Variants in PTTG1IP observed in about 807,000 individuals in gnomAD.
PTTG1IP encodes pituitary tumor-transforming gene 1 protein-interacting protein.
A neutral mutation model predicts 24.4 loss-of-function variants in PTTG1IP; 16 were observed. That is an observed-to-expected ratio of 0.66 (90% CI 0.44 to 1.00). The LOEUF (loss-of-function observed/expected upper bound fraction) is 1.00. Ranked by LOEUF, PTTG1IP falls within the 50% of genes least tolerant of loss-of-function variation. The pLI is 0.00. For synonymous variants in PTTG1IP, 89 were observed against 96.8 expected (o/e 0.92, Z 0.47); for missense variants, 241 against 245.8 (o/e 0.98, Z 0.13).
Position 44,855,231 on chromosome 21 carries a change from C to A in PTTG1IP, c.475G>T (p.Asp159Tyr), listed in dbSNP as rs1704934548. The A allele has an allele frequency of 1.2e-6, 2 of 1,612,664 alleles. No individual in the cohort carries two copies. Among genetic ancestry groups the A allele is most frequent in the Non-Finnish European group, 1.7e-6 (2 of 1,178,702 alleles). Reference protein sequence around the residue: ...ERRAEMKTRHDEIRKKYGLFK... With the variant: ...ERRAEMKTRHYEIRKKYGLFK... The stretch of plus-strand genomic sequence containing the variant: ...TTACCATATTTTTTTCTGATTTCAT[C>A]ATGTCTTGTCTTCATCTCTGCTCTC... Residue 159 changes from aspartate to tyrosine, a missense_variant, in exon 5 of 6, where the codon GAT becomes TAT. By Grantham distance (160) the Asp-to-Tyr change is radical. Transcript: ENST00000330938.
At chr21:44,866,879 G>A (rs1256663201) in intron 1 of PTTG1IP, among the ~76,000 whole-genome samples, 1 of 152,238 alleles carries the variant, frequency 6.6e-6, no homozygotes, top group African/African-American at 2.4e-5. Flanking sequence ...ACACAGTGTT[G>A]GTGGAAGTGT....
At position 44,865,441 on chromosome 21, in the gene PTTG1IP, G is replaced by C; in HGVS notation, c.122C>G (p.Ser41Cys). Residue 41 changes from serine to cysteine, a missense_variant, in exon 2 of 6, where the codon TCT becomes TGT. By Grantham distance (112) the Ser-to-Cys change is moderately radical. Transcript: ENST00000330938. ...AAQEPPGAAC[S>C]QNTNKTCEEC... ...TTCACAGGTTTTGTTTGTGTTCTGA[G>C]AACAAGCTGCAGGAAAGAGGCAAGA... is the stretch of plus-strand genomic sequence containing the variant. 1.2e-6 allele frequency: 2 copies of C among 1,614,156 alleles called. No individual in the cohort carries two copies. Among genetic ancestry groups the C allele is most frequent in the Non-Finnish European group, 1.7e-6 (2 of 1,180,006 alleles).
chr21:44,850,437 G>C lies in PTTG1IP; in HGVS notation c.*1144C>G, dbSNP rs1291105247. The C allele has an allele frequency of 6.6e-6, 1 of 152,278 alleles. No individual in the cohort carries two copies. The highest frequency in any genetic ancestry group is 2.4e-5 in the African/African-American group (1 of 41,452). 9.4% of individuals were successfully genotyped at this position (152,278 alleles called of 1,614,324 possible). A position where few individuals can be genotyped will look rare whatever the true frequency, so the allele number is the denominator to read the frequency against. ...CAGCAGTGCCACTGGAGAGCTCCCA[G>C]AGAAGCCCACTCAGAAGGAAGTGGT... On this transcript the variant is annotated 3_prime_UTR_variant, in exon 6 of 6. Transcript: ENST00000330938.
At chr21:44,857,584 A>G (rs1294548468) in intron 3 of PTTG1IP, among the ~76,000 whole-genome samples, 2 of 152,212 alleles carry the variant, frequency 1.3e-5, no homozygotes, top group Non-Finnish European at 2.9e-5. Flanking sequence ...GTTTTTAACT[A>G]CAGTTAATAG....
intron 1 of PTTG1IP, among the ~76,000 whole-genome samples, chr21:44,866,482 ACACACACACG>A (rs1401979942): frequency 4.9e-5 from 6 of 122,774 alleles, no homozygotes; most frequent in African/African-American, 1.3e-4. Context: ...ACACACACAC[ACACACACACG>A]CAGACTGCCT....
intron 4 of PTTG1IP, 105 bp from the exon 5 acceptor site, chr21:44,855,361 G>A: frequency 8.0e-7 from 1 of 1,248,144 alleles, no homozygotes; most frequent in Non-Finnish European, 1.2e-6. Context: ...GGTTTCTTCT[G>A]GTGGCTTCCC....
At position 44,851,461 on chromosome 21, in the gene PTTG1IP, A is replaced by T; in HGVS notation, c.*120T>A. On this transcript the variant is annotated 3_prime_UTR_variant, in exon 6 of 6. Coordinates refer to ENST00000330938, the MANE Select transcript of PTTG1IP (RefSeq NM_004339.4). ...CAGCTCTCCGGCCGCCTGTCCTGGA[A>T]GGCTGGCAGGTTCACTGGCCAAGGT... The T allele has an allele frequency of 6.2e-7, 1 of 1,610,620 alleles. No individual in the cohort carries two copies. Among genetic ancestry groups the T allele is most frequent in the Non-Finnish European group, 8.5e-7 (1 of 1,179,742 alleles).
At chr21:44,864,232 T>C (rs1569325399) in intron 2 of PTTG1IP, among the ~76,000 whole-genome samples, 1 of 152,200 alleles carries the variant, frequency 6.6e-6, no homozygotes, top group Non-Finnish European at 1.5e-5. Flanking sequence ...CCGTGGGCCT[T>C]CCCTCAGGTT....
At position 44,861,172 on chromosome 21, in the gene PTTG1IP, C is replaced by G. The variant is rs1357807963; in HGVS notation, c.268G>C (p.Val90Leu). Residue 90 changes from valine (V) to leucine (L), a missense_variant, in exon 3 of 6, where the codon GTT becomes CTT. Physicochemically the swap from Val to Leu is conservative, Grantham distance 32 (BLOSUM62 1). Transcript: ENST00000330938. ...GAAAACAATGACTTACCCCAACAAA[C>G]TCCCCAGCGTGCAGAGCTCAATTTA... ...LCKLSSARWG[V>L]CWVNFEALII... The G allele has an allele frequency of 2.5e-6, 4 of 1,612,100 alleles. No individual in the cohort carries two copies.
chr21:44,869,575 A>G (rs2083568127), intron 1 of PTTG1IP, among the ~76,000 whole-genome samples: 1 of 152,260 alleles, frequency 6.6e-6, no homozygotes, highest in Admixed American at 6.5e-5. Flanking sequence ...CTGGGATTAC[A>G]GGTGTGAGCA....
intron 2 of PTTG1IP, chr21:44,861,781 T>C (rs933422060): frequency 7.0e-6 from 5 of 717,450 alleles, no homozygotes; most frequent in African/African-American, 5.2e-5. Context: ...CGGGCACCTG[T>C]GCACTTCACT....
At chr21:44,873,195 G>A (rs1173876938) in intron 1 of PTTG1IP, among the ~76,000 whole-genome samples, 1 of 152,260 alleles carries the variant, frequency 6.6e-6, no homozygotes, top group Non-Finnish European at 1.5e-5. Flanking sequence ...CAGGTGCCAA[G>A]CGTCCCGCCT....
rs759527211 is a variant in PTTG1IP, at chr21:44,873,634, A to G, written c.-18T>C. 2.0e-4 allele frequency: 286 copies of G among 1,408,588 alleles called. No homozygotes were observed. Among genetic ancestry groups the G allele is most frequent in the Non-Finnish European group, 2.5e-4 (276 of 1,082,604 alleles). 87.3% of individuals were successfully genotyped at this position (1,408,588 alleles called of 1,614,324 possible). On this transcript the variant is annotated 5_prime_UTR_variant, in exon 1 of 6. Transcript: ENST00000330938. ...GGCGCCATGGTCGGCCGGTCGCTCT[A>G]TCAGTCAGTGGAGCGTTACAACTCC... is the stretch of plus-strand genomic sequence containing the variant.
chr21:44,856,389 AG>A (rs1346206516), intron 3 of PTTG1IP, 25 bp from the exon 4 acceptor site: 1 of 1,594,348 alleles, frequency 6.3e-7, no homozygotes, highest in East Asian at 2.2e-5. Flanking sequence ...ACCTGGAGTT[AG>A]GGCCGCCCCA....
intron 1 of PTTG1IP, among the ~76,000 whole-genome samples, chr21:44,870,683 G>A (rs190805979): frequency 1.3e-5 from 2 of 152,294 alleles, no homozygotes; most frequent in Admixed American, 1.3e-4. Flanking sequence ...CTGCCCTTGT[G>A]TTGCTTAAGT....
chr21:44,860,143 C>A (rs2083478979), intron 3 of PTTG1IP, among the ~76,000 whole-genome samples: 2 of 152,106 alleles, frequency 1.3e-5, no homozygotes, highest in African/African-American at 4.8e-5. Flanking sequence ...CTGAGGTGGG[C>A]AGATCATGAG....
chr21:44,869,409 A>G (rs2083566885), intron 1 of PTTG1IP, among the ~76,000 whole-genome samples: 1 of 152,214 alleles, frequency 6.6e-6, no homozygotes, highest in African/African-American at 2.4e-5. Context: ...TTACTCTCAA[A>G]TGGTTTGGTC....
At chr21:44,855,670 C>T (rs546496424) in intron 4 of PTTG1IP, among the ~76,000 whole-genome samples, 3 of 152,268 alleles carry the variant, frequency 2.0e-5, no homozygotes, top group East Asian at 1.9e-4. Flanking sequence ...AAATCTGTCC[C>T]GCTTCCACCC....
At chr21:44,867,794 C>G (rs1367729587) in intron 1 of PTTG1IP, among the ~76,000 whole-genome samples, 1 of 152,192 alleles carries the variant, frequency 6.6e-6, no homozygotes, top group Admixed American at 6.5e-5. Flanking sequence ...ATGTGAAGAG[C>G]TTCATGATGA....
Sources: allele counts gnomAD v4.1 joint callset (sites outside exome capture counted in the v4.1 genomes callset), GRCh38; gene constraint gnomAD v4.1.1; transcripts MANE v1.5; gene names NCBI Gene and HGNC (gene_info 2026-07-23, HGNC 2026-07-21).